ADCY2: variants seen among roughly 807,000 people sequenced by gnomAD.
ADCY2 encodes adenylate cyclase type 2.
Under a neutral mutation model 125.2 loss-of-function variants are expected in ADCY2, and 31 were observed. The observed-to-expected ratio is 0.25, with a 90% confidence interval of 0.19 to 0.33. The LOEUF is 0.33. ADCY2 is among the 10% of genes least tolerant of loss of function. The probability of loss-of-function intolerance (pLI) is 1.00; values close to 1 mark genes in which losing one functional copy is unlikely to be tolerated. For synonymous variants in ADCY2, 512 were observed against 548.4 expected (o/e 0.93, Z 0.93); for missense variants, 904 against 1,418.2 (o/e 0.64, Z 5.82).
chr5:7,611,626 A>G (rs1382072981), intron 3 of ADCY2, among the ~76,000 whole-genome samples: 1 of 152,176 alleles, frequency 6.6e-6, no homozygotes, highest in Non-Finnish European at 1.5e-5. Context: ...ATCAGGAAGC[A>G]TGTTAATTCA....
intron 12 of ADCY2, 51 bp from the exon 13 acceptor site, chr5:7,724,494 T>C: frequency 2.2e-6 from 3 of 1,341,738 alleles, no homozygotes; most frequent in Non-Finnish European, 3.2e-6. Flanking sequence ...TAGTTCCAGA[T>C]GTTTGATTGG....
chr5:7,403,858 A>G (rs1405112388), intron 1 of ADCY2, among the ~76,000 whole-genome samples: 5 of 151,966 alleles, frequency 3.3e-5, no homozygotes, highest in Non-Finnish European at 7.4e-5. Flanking sequence ...TCAAAATTCT[A>G]CATATGGTTG....
intron 12 of ADCY2, among the ~76,000 whole-genome samples, chr5:7,717,974 GA>G (rs1394997771): frequency 6.6e-6 from 1 of 152,076 alleles, no homozygotes; most frequent in Non-Finnish European, 1.5e-5. Flanking sequence ...AGGTCCAAAT[GA>G]AAAGCCTTCA....
chr5:7,731,806 T>C (rs920930104), intron 14 of ADCY2, among the ~76,000 whole-genome samples: 1 of 151,334 alleles, frequency 6.6e-6, no homozygotes, highest in African/African-American at 2.4e-5. Context: ...TTTCACCATG[T>C]TGGCCAGGCC....
intron 23 of ADCY2, among the ~76,000 whole-genome samples, chr5:7,818,708 C>T (rs975586171): frequency 5.3e-5 from 8 of 152,070 alleles, no homozygotes; most frequent in Non-Finnish European, 1.2e-4. Context: ...TAGTAAACCC[C>T]TATCGGGGGC....
intron 3 of ADCY2, among the ~76,000 whole-genome samples, chr5:7,603,053 T>C (rs1737268220): frequency 6.6e-6 from 1 of 152,176 alleles, no homozygotes; most frequent in Non-Finnish European, 1.5e-5. Context: ...TCCAGCCATT[T>C]CATCTACATT....
chr5:7,513,681 A>T (rs539182327), intron 2 of ADCY2, among the ~76,000 whole-genome samples: 4 of 152,144 alleles, frequency 2.6e-5, no homozygotes, highest in Admixed American at 1.3e-4. Flanking sequence ...AAATTTTGGC[A>T]TTTCTAGTTG....
At chr5:7,597,884 A>G (rs1361641295) in intron 3 of ADCY2, among the ~76,000 whole-genome samples, 1 of 152,322 alleles carries the variant, frequency 6.6e-6, no homozygotes, top group East Asian at 1.9e-4. Context: ...ACACCTGTGT[A>G]CCTTGCCCTG....
chr5:7,786,246 C>G (rs1744079385), intron 19 of ADCY2, among the ~76,000 whole-genome samples: 1 of 152,198 alleles, frequency 6.6e-6, no homozygotes, highest in African/African-American at 2.4e-5. Context: ...GAATGACTTA[C>G]TAAGGCCCCA....
At chr5:7,688,217 G>A (rs747502794) in intron 4 of ADCY2, among the ~76,000 whole-genome samples, 2 of 151,854 alleles carry the variant, frequency 1.3e-5, no homozygotes, top group Non-Finnish European at 2.9e-5. Context: ...TCCCATCAGG[G>A]ACTCCTCTGT....
rs79123140 is a variant in ADCY2 at position 7,826,711 on chromosome 5, C to G, written c.3124-8C>G. 157 of 1,613,776 alleles carry G rather than the reference C, an allele frequency of 9.7e-5. 1 individual carries two copies. The East Asian group carries it at 3.3e-3, about 34-fold the overall frequency. On this transcript the variant is annotated splice_polypyrimidine_tract_variant and splice_region_variant and intron_variant, in intron 24 of 24. Transcript: ENST00000338316. Reference sequence around the variant, plus strand: ...AAGCCCGTTTTCCCGTGTTCCTGTGCCTTCTAGGTTACCGAGGAGACGAGC... The same window carrying G: ...AAGCCCGTTTTCCCGTGTTCCTGTGGCTTCTAGGTTACCGAGGAGACGAGC...
At chr5:7,719,469 C>G (rs1741694938) in intron 12 of ADCY2, among the ~76,000 whole-genome samples, 1 of 152,184 alleles carries the variant, frequency 6.6e-6, no homozygotes, top group African/African-American at 2.4e-5. Flanking sequence ...TTCTTCTGAT[C>G]TTTGTATTTT....
chr5:7,405,496 G>C (rs958039728), intron 1 of ADCY2, among the ~76,000 whole-genome samples: 1 of 152,166 alleles, frequency 6.6e-6, no homozygotes, highest in African/African-American at 2.4e-5. Flanking sequence ...CATGGCTGTT[G>C]AGTGGGGTGC....
At chr5:7,592,751 G>A (rs1280719586) in intron 3 of ADCY2, among the ~76,000 whole-genome samples, 4 of 151,752 alleles carry the variant, frequency 2.6e-5, no homozygotes, top group African/African-American at 9.7e-5. Flanking sequence ...AAGGAGAGAA[G>A]TTTTGGAATA....
rs116175513 is a variant in ADCY2, at chr5:7,601,767, C to T, written c.571-24400C>T. On this transcript the variant is annotated intron_variant, in intron 3 of 24. Coordinates refer to ENST00000338316, the MANE Select transcript of ADCY2 (RefSeq NM_020546.3). ...TCCCATCCTTCCTTAGGTGTCATGC[C>T]TTCCTGCATTTCCCTCCTGCTCCCT... Among the ~76,000 whole-genome samples the T allele has an allele frequency of 4.3e-3, 648 of 152,264 alleles. 3 individuals are homozygous for T. The highest frequency in any genetic ancestry group is 0.015 in the African/African-American group (612 of 41,544).
chr5:7,481,207 T>C (rs1019228347), intron 2 of ADCY2, among the ~76,000 whole-genome samples: 5 of 152,128 alleles, frequency 3.3e-5, no homozygotes, highest in Non-Finnish European at 7.3e-5. Context: ...CTCACTGCAG[T>C]TTTGATTTGC....
intron 2 of ADCY2, among the ~76,000 whole-genome samples, chr5:7,480,696 C>A (rs1164366490): frequency 6.6e-6 from 1 of 151,976 alleles, no homozygotes; most frequent in Non-Finnish European, 1.5e-5. Context: ...TACAACAAAC[C>A]CCCATGACAC....
intron 7 of ADCY2, among the ~76,000 whole-genome samples, chr5:7,705,606 A>G (rs112071088): frequency 6.8e-6 from 1 of 146,648 alleles, no homozygotes; most frequent in African/African-American, 2.5e-5. Flanking sequence ...CTGCAGATGC[A>G]GGGCAGAGGG....
intron 2 of ADCY2, among the ~76,000 whole-genome samples, chr5:7,425,467 A>G (rs1740353549): frequency 1.3e-5 from 2 of 152,262 alleles, no homozygotes; most frequent in African/African-American, 2.4e-5. Flanking sequence ...AGAGCTGTGT[A>G]TATGTACCCA....
Sources: allele counts gnomAD v4.1 joint callset (sites outside exome capture counted in the v4.1 genomes callset), GRCh38; gene constraint gnomAD v4.1.1; transcripts MANE v1.5; gene names NCBI Gene and HGNC (gene_info 2026-07-23, HGNC 2026-07-21).